Variants in HS3ST2 observed in about 807,000 individuals in gnomAD.
The protein encoded by HS3ST2 is heparan sulfate-glucosamine 3-sulfotransferase 2, also known as heparan sulfate glucosamine 3-O-sulfotransferase 2.
In HS3ST2, 17 loss-of-function variants were observed where a neutral mutation model predicts 26.3. The ratio of observed to expected loss-of-function variants is 0.65; its 90% confidence interval spans 0.44 to 0.97. The LOEUF (loss-of-function observed/expected upper bound fraction) is 0.97, where lower values mean the gene tolerates loss of function less well. HS3ST2 is among the 50% of genes least tolerant of loss of function. The pLI is 0.00. For missense variants in HS3ST2, 402 were observed against 501.2 expected, an observed-to-expected ratio of 0.80 and a Z score of 1.89; for synonymous variants, 237 against 219.2, an observed-to-expected ratio of 1.08 and a Z score of -0.72.
At chr16:22,876,398 C>T (rs1901917660) in intron 1 of HS3ST2, among the ~76,000 whole-genome samples, 1 of 152,008 alleles carries the variant, frequency 6.6e-6, no homozygotes, top group African/African-American at 2.4e-5. Context: ...AACTACAATA[C>T]AATACCACAT....
intron 1 of HS3ST2, among the ~76,000 whole-genome samples, chr16:22,841,289 C>T (rs1461991576): frequency 3.9e-5 from 6 of 152,100 alleles, no homozygotes; most frequent in Admixed American, 1.3e-4. Flanking sequence ...TCTCGAACTC[C>T]TGACCTCATG....
intron 1 of HS3ST2, among the ~76,000 whole-genome samples, chr16:22,841,269 C>G (rs1166069024): frequency 6.6e-6 from 1 of 152,152 alleles, no homozygotes. Flanking sequence ...CACTATGTTG[C>G]CCAGGCTGGT....
At chr16:22,863,899 G>T (rs1901713113) in intron 1 of HS3ST2, among the ~76,000 whole-genome samples, 1 of 152,184 alleles carries the variant, frequency 6.6e-6, no homozygotes, top group African/African-American at 2.4e-5. Context: ...TTCCCGTGTT[G>T]AGTTTGGAAG....
chr16:22,851,841 G>A (rs1326457230), intron 1 of HS3ST2, among the ~76,000 whole-genome samples: 1 of 152,202 alleles, frequency 6.6e-6, no homozygotes, highest in African/African-American at 2.4e-5. Flanking sequence ...GGGCTTGACT[G>A]TGTGCCCTAG....
intron 1 of HS3ST2, among the ~76,000 whole-genome samples, chr16:22,816,244 G>A (rs1044081178): frequency 7.2e-5 from 11 of 152,234 alleles, no homozygotes; most frequent in Non-Finnish European, 1.5e-4. Context: ...GCATAGTAAT[G>A]ACGTTGGGGA....
At chr16:22,889,179 C>G (rs1902101026) in intron 1 of HS3ST2, among the ~76,000 whole-genome samples, 1 of 152,192 alleles carries the variant, frequency 6.6e-6, no homozygotes, top group African/African-American at 2.4e-5. Context: ...CACACAAACA[C>G]AGCCACACAT....
chr16:22,831,470 G>C (rs148031020), intron 1 of HS3ST2, among the ~76,000 whole-genome samples: 13 of 152,316 alleles, frequency 8.5e-5, no homozygotes, highest in Non-Finnish European at 1.6e-4. Flanking sequence ...TGGAGGAAAA[G>C]ATTCAGCTCC....
intron 1 of HS3ST2, among the ~76,000 whole-genome samples, chr16:22,858,338 T>C (rs188188351): frequency 8.4e-4 from 126 of 150,434 alleles, no homozygotes; most frequent in African/African-American, 2.9e-3. Flanking sequence ...TGCCCACAAA[T>C]TTTTTTTAAA....
intron 1 of HS3ST2, among the ~76,000 whole-genome samples, chr16:22,830,775 T>C (rs1901157111): frequency 6.6e-6 from 1 of 152,234 alleles, no homozygotes; most frequent in Non-Finnish European, 1.5e-5. Context: ...CTCCCATCCT[T>C]CAGTCATTTT....
intron 1 of HS3ST2, among the ~76,000 whole-genome samples, chr16:22,841,417 A>G (rs1388990923): frequency 1.3e-5 from 2 of 152,110 alleles, no homozygotes; most frequent in Admixed American, 1.3e-4. Context: ...TCCTAATCAC[A>G]AACCAGCTTG....
chr16:22,862,999 G>T (rs897433308), intron 1 of HS3ST2, among the ~76,000 whole-genome samples: 10 of 152,180 alleles, frequency 6.6e-5, no homozygotes, highest in Admixed American at 2.6e-4. Context: ...GGTTCCAGGG[G>T]TTAGGACCCG....
chr16:22,900,240 G>A lies in HS3ST2; in HGVS notation c.486-14704G>A, dbSNP rs577363251. ...TGGGAGTTGCCATGCATGCTGTTTCGTGGCATGCATTCACTCTGATTGACT... is the reference window on the plus strand; with the variant it reads ...TGGGAGTTGCCATGCATGCTGTTTCATGGCATGCATTCACTCTGATTGACT... On this transcript the variant is annotated intron_variant, in intron 1 of 1. Transcript: ENST00000261374. Among the ~76,000 whole-genome samples, 78 of 152,310 alleles carry A rather than the reference G, an allele frequency of 5.1e-4. 1 individual carries two copies. Among genetic ancestry groups the A allele is most frequent in the African/African-American group, 1.7e-3 (72 of 41,574 alleles).
At chr16:22,850,181 T>C (rs1901498311) in intron 1 of HS3ST2, among the ~76,000 whole-genome samples, 1 of 152,174 alleles carries the variant, frequency 6.6e-6, no homozygotes. Flanking sequence ...GGAAACCCCT[T>C]TCCAAAACAC....
chr16:22,830,189 T>C (rs1901148673), intron 1 of HS3ST2, among the ~76,000 whole-genome samples: 1 of 150,044 alleles, frequency 6.7e-6, no homozygotes, highest in Admixed American at 6.6e-5. Flanking sequence ...ACTTGGTCAT[T>C]GCCTCCAGCT....
intron 1 of HS3ST2, among the ~76,000 whole-genome samples, chr16:22,835,829 C>T (rs910214169): frequency 6.6e-6 from 1 of 152,028 alleles, no homozygotes; most frequent in Non-Finnish European, 1.5e-5. Flanking sequence ...CAAAGCTACA[C>T]TCAGCAGCAA....
intron 1 of HS3ST2, among the ~76,000 whole-genome samples, chr16:22,835,012 CTT>C (rs1180620495): frequency 6.6e-6 from 1 of 151,950 alleles, no homozygotes; most frequent in East Asian, 1.9e-4. Context: ...ACTGGATTGA[CTT>C]TATCTTTTAG....
At chr16:22,871,866 G>C (rs997562108) in intron 1 of HS3ST2, among the ~76,000 whole-genome samples, 4 of 152,146 alleles carry the variant, frequency 2.6e-5, no homozygotes, top group Admixed American at 1.3e-4. Context: ...CGCCAATATT[G>C]GTAGGGAAAG....
chr16:22,911,742 C>A (rs944839798), intron 1 of HS3ST2, among the ~76,000 whole-genome samples: 2 of 152,190 alleles, frequency 1.3e-5, no homozygotes, highest in African/African-American at 4.8e-5. Flanking sequence ...GGGTTTATGG[C>A]CCACTCTAAT....
intron 1 of HS3ST2, among the ~76,000 whole-genome samples, chr16:22,821,195 C>T (rs1900985248): frequency 6.6e-6 from 1 of 152,066 alleles, no homozygotes; most frequent in African/African-American, 2.4e-5. Flanking sequence ...AGATAAGATG[C>T]GATGGTGGGC....
Sources: gnomAD v4.1 joint callset for allele counts (sites outside exome capture counted in the v4.1 genomes callset) on GRCh38, gnomAD v4.1.1 for gene constraint, MANE v1.5 for transcripts, NCBI Gene and HGNC (gene_info 2026-07-23, HGNC 2026-07-21) for gene names.